The following LHFPL3 variants were observed in gnomAD, a reference collection of about 807,000 sequenced individuals.
The protein encoded by LHFPL3 is LHFPL tetraspan subfamily member 3.
Under a neutral mutation model 19.3 loss-of-function variants are expected in LHFPL3, and 5 were observed. The ratio of observed to expected loss-of-function variants is 0.26; its 90% CI spans 0.14 to 0.54. The LOEUF is 0.54. LHFPL3 is among the 20% of genes least tolerant of loss of function. LHFPL3 has a pLI of 0.94. For synonymous variants in LHFPL3, 133 were observed against 126.2 expected (o/e 1.05, Z -0.36); for missense variants, 249 against 307.4 (o/e 0.81, Z 1.42).
intron 1 of LHFPL3, among the ~76,000 whole-genome samples, chr7:104,400,142 A>G (rs1791285338): frequency 8.0e-6 from 1 of 124,408 alleles, no homozygotes; most frequent in Non-Finnish European, 1.7e-5. Context: ...AAAAAAAAAA[A>G]AAAAAGACTC....
intron 1 of LHFPL3, among the ~76,000 whole-genome samples, chr7:104,660,972 T>C (rs1245884823): frequency 6.6e-6 from 1 of 152,230 alleles, no homozygotes; most frequent in African/African-American, 2.4e-5. Flanking sequence ...ATCTTAAAAC[T>C]GGTGCTGCTG....
At chr7:104,435,804 A>G (rs982308948) in intron 1 of LHFPL3, among the ~76,000 whole-genome samples, 10 of 152,008 alleles carry the variant, frequency 6.6e-5, no homozygotes, top group Admixed American at 6.6e-5. Flanking sequence ...TAACTATAAA[A>G]TGGCTATTTA....
chr7:104,776,831 C>A lies in LHFPL3; in HGVS notation c.682+39920C>A, dbSNP rs141035663. Among the ~76,000 whole-genome samples, 410 of 152,286 alleles carry A rather than the reference C, an allele frequency of 2.7e-3. 2 individuals carry two copies. The highest frequency in any genetic ancestry group is 9.2e-3 in the African/African-American group (382 of 41,560). ...TGTACTTGTTGGGTAACAAACTCTACATTGTAAAAAACAATCATGGGCTTT... is the reference window on the plus strand; with the variant it reads ...TGTACTTGTTGGGTAACAAACTCTAAATTGTAAAAAACAATCATGGGCTTT... On this transcript the variant is annotated intron_variant, in intron 2 of 2. Transcript: ENST00000424859.
At chr7:104,770,659 T>G (rs79433356) in intron 2 of LHFPL3, among the ~76,000 whole-genome samples, 5,704 of 152,258 alleles carry the variant, frequency 0.037, 361 homozygotes, top group African/African-American at 0.13. Flanking sequence ...ACACCCATTG[T>G]GGACATCAGT....
intron 1 of LHFPL3, among the ~76,000 whole-genome samples, chr7:104,659,911 C>G (rs1792192443): frequency 6.6e-6 from 1 of 152,066 alleles, no homozygotes; most frequent in African/African-American, 2.4e-5. Context: ...CCCAGTGGCC[C>G]CTGGAGAAAG....
chr7:104,601,001 TG>T (rs1790954151), intron 1 of LHFPL3, among the ~76,000 whole-genome samples: 1 of 152,242 alleles, frequency 6.6e-6, no homozygotes, highest in African/African-American at 2.4e-5. Context: ...GCCAATTAAT[TG>T]CCCAAGGTCT....
intron 1 of LHFPL3, among the ~76,000 whole-genome samples, chr7:104,567,819 A>G (rs898716410): frequency 1.3e-5 from 2 of 152,152 alleles, no homozygotes; most frequent in Non-Finnish European, 2.9e-5. Flanking sequence ...ACATAGTGCT[A>G]CTGCAGAACT....
intron 1 of LHFPL3, among the ~76,000 whole-genome samples, chr7:104,661,982 A>G (rs1322378629): frequency 6.6e-6 from 1 of 152,190 alleles, no homozygotes. Context: ...TACCTACAAA[A>G]TGGCTTAGAG....
Position 104,482,580 on chromosome 7 carries a change from GT to G in LHFPL3, c.445+153357del, listed in dbSNP as rs1270941177. The stretch of plus-strand genomic sequence containing the variant: ...GTGATTTGTCCCTACATCAATGTGT[GT>G]AATAGAGTGAGTCAGTCATTTTTCA... On this transcript the variant is annotated intron_variant, in intron 1 of 2. Coordinates refer to ENST00000424859, the MANE Select transcript of LHFPL3 (RefSeq NM_199000.3). Among the ~76,000 whole-genome samples, 23 of 152,162 alleles carry G rather than the reference GT, an allele frequency of 1.5e-4. 1 individual carries two copies. The highest frequency in any genetic ancestry group is 5.3e-4 in the African/African-American group (22 of 41,430).
chr7:104,824,154 A>AT (rs759743157), intron 2 of LHFPL3, among the ~76,000 whole-genome samples: 5,365 of 14,456 alleles, frequency 0.37, 2,495 homozygotes, highest in Non-Finnish European at 0.49. Context: ...GTTTCAAAAA[A>AT]AATATATATA....
At chr7:104,742,683 T>C (rs1307202576) in intron 2 of LHFPL3, among the ~76,000 whole-genome samples, 1 of 152,164 alleles carries the variant, frequency 6.6e-6, no homozygotes, top group African/African-American at 2.4e-5. Flanking sequence ...CATGACCAAA[T>C]GTCATCTGAG....
intron 2 of LHFPL3, among the ~76,000 whole-genome samples, chr7:104,902,196 A>G (rs1240963062): frequency 6.6e-6 from 1 of 152,158 alleles, no homozygotes; most frequent in African/African-American, 2.4e-5. Flanking sequence ...CCTGGGAAAC[A>G]TAATGAGACC....
intron 1 of LHFPL3, among the ~76,000 whole-genome samples, chr7:104,653,467 G>A (rs752914699): frequency 3.7e-4 from 57 of 152,214 alleles, no homozygotes; most frequent in Non-Finnish European, 4.0e-4. Context: ...CCAGGGGCCA[G>A]CAAATTTTCT....
chr7:104,584,205 A>G (rs923183334), intron 1 of LHFPL3, among the ~76,000 whole-genome samples: 1 of 152,074 alleles, frequency 6.6e-6, no homozygotes, highest in Admixed American at 6.6e-5. Context: ...ACCTATCGCA[A>G]GGACAAAAAA....
At chr7:104,523,013 TGC>T (rs71874798) in intron 1 of LHFPL3, among the ~76,000 whole-genome samples, 19,801 of 151,970 alleles carry the variant, frequency 0.13, 1,447 homozygotes, top group South Asian at 0.17. Flanking sequence ...TATGTATATA[TGC>T]ACATATATAC....
intron 1 of LHFPL3, among the ~76,000 whole-genome samples, chr7:104,556,301 C>T (rs1294525666): frequency 2.0e-5 from 3 of 152,220 alleles, no homozygotes; most frequent in Non-Finnish European, 4.4e-5. Flanking sequence ...GAGGGTCCCC[C>T]CCCTGCAGCA....
At chr7:104,353,922 T>A (rs948989846) in intron 1 of LHFPL3, among the ~76,000 whole-genome samples, 10 of 152,214 alleles carry the variant, frequency 6.6e-5, no homozygotes, top group Non-Finnish European at 1.5e-4. Flanking sequence ...CATGTCTCTC[T>A]ATTCCTTTAT....
chr7:104,685,761 C>A (rs914446720), intron 1 of LHFPL3, among the ~76,000 whole-genome samples: 8 of 152,176 alleles, frequency 5.3e-5, no homozygotes, highest in African/African-American at 1.9e-4. Flanking sequence ...ACCACAGATA[C>A]CATGGTACAC....
intron 1 of LHFPL3, among the ~76,000 whole-genome samples, chr7:104,382,811 A>G (rs1352302110): frequency 6.6e-6 from 1 of 152,206 alleles, no homozygotes; most frequent in Non-Finnish European, 1.5e-5. Flanking sequence ...AATGGTCTTG[A>G]TTACCTTTCA....
Sources: allele counts gnomAD v4.1 joint callset (sites outside exome capture counted in the v4.1 genomes callset), GRCh38; gene constraint gnomAD v4.1.1; transcripts MANE v1.5; gene names NCBI Gene and HGNC (gene_info 2026-07-23, HGNC 2026-07-21).